IL1RAPL2: variants seen among roughly 807,000 people sequenced by gnomAD.
IL1RAPL2 encodes the protein X-linked interleukin-1 receptor accessory protein-like 2.
In IL1RAPL2, 3 loss-of-function variants were observed where a neutral mutation model predicts 44.1. The ratio of observed to expected loss-of-function variants is 0.07; its 90% CI spans 0.03 to 0.18. IL1RAPL2 has a LOEUF of 0.18. IL1RAPL2 is among the 10% of genes least tolerant of loss of function. The pLI, the probability that IL1RAPL2 is intolerant of heterozygous loss-of-function variation, is 1.00. For synonymous variants in IL1RAPL2, 181 were observed against 178.8 expected, an observed-to-expected ratio of 1.01 and a Z score of -0.10; for missense variants, 391 against 496.4, an observed-to-expected ratio of 0.79 and a Z score of 2.02.
chrX:105,286,251 G>A lies in IL1RAPL2; in HGVS notation c.697+18710G>A, dbSNP rs188883340. Among the ~76,000 whole-genome samples, 3 of 110,553 alleles carry A rather than the reference G, an allele frequency of 2.7e-5. No individual in the cohort carries two copies. In the East Asian group the frequency reaches 8.7e-4, roughly 32 times the overall value. On this transcript the variant is annotated intron_variant, in intron 5 of 10. Coordinates refer to ENST00000372582, the MANE Select transcript of IL1RAPL2 (RefSeq NM_017416.2). ...ATTCTTTTCTTACCATTTACCCCCT[G>A]GATGACCTTGGGGAGATTATTGAAC...
intron 2 of IL1RAPL2, among the ~76,000 whole-genome samples, chrX:105,085,273 A>G (rs755368330): frequency 2.7e-5 from 3 of 112,480 alleles, no homozygotes; most frequent in African/African-American, 9.7e-5. Flanking sequence ...TAAGCCATAC[A>G]TCTGATAAGG....
At chrX:105,139,042 C>A (rs1002986139) in intron 2 of IL1RAPL2, among the ~76,000 whole-genome samples, 2 of 111,242 alleles carry the variant, frequency 1.8e-5, no homozygotes, top group Non-Finnish European at 3.8e-5. Context: ...AAAACTTTGC[C>A]TTGGGGTGCT....
chrX:104,935,355 T>A (rs1925001844), intron 2 of IL1RAPL2, among the ~76,000 whole-genome samples: 2 of 112,344 alleles, frequency 1.8e-5, no homozygotes, highest in Admixed American at 1.9e-4. Flanking sequence ...GTGTGACTTT[T>A]GACATTTTTT....
chrX:105,225,662 T>C (rs2034006727), intron 3 of IL1RAPL2, among the ~76,000 whole-genome samples: 1 of 97,391 alleles, frequency 1.0e-5, no homozygotes, highest in African/African-American at 3.4e-5. Context: ...ATAGAAAACA[T>C]ACTTTTATTT....
chrX:104,722,734 T>C (rs971311137), intron 2 of IL1RAPL2, among the ~76,000 whole-genome samples: 1 of 111,360 alleles, frequency 9.0e-6, no homozygotes, highest in Non-Finnish European at 1.9e-5. Context: ...TGTTTTACAG[T>C]AAAAGCCTGC....
chrX:104,998,769 T>G (rs1397731958), intron 2 of IL1RAPL2, among the ~76,000 whole-genome samples: 1 of 110,531 alleles, frequency 9.0e-6, no homozygotes, highest in Non-Finnish European at 1.9e-5. Flanking sequence ...CCCCATCTCT[T>G]AAAAAGGGTT....
intron 6 of IL1RAPL2, among the ~76,000 whole-genome samples, chrX:105,638,794 T>G (rs2037543554): frequency 8.9e-6 from 1 of 112,502 alleles, no homozygotes; most frequent in Non-Finnish European, 1.9e-5. Flanking sequence ...AGGGTAGATG[T>G]TATTCTGAAA....
intron 7 of IL1RAPL2, among the ~76,000 whole-genome samples, chrX:105,729,904 GGAAGGAAGGAA>G (rs1569469742): frequency 0.042 from 3,416 of 81,398 alleles, 301 homozygotes; most frequent in African/African-American, 0.17. Flanking sequence ...AAGGAAGGAA[GGAAGGAAGGAA>G]GGAAGGAGGG....
At chrX:105,301,884 T>G (rs769585351) in intron 5 of IL1RAPL2, among the ~76,000 whole-genome samples, 10 of 112,052 alleles carry the variant, frequency 8.9e-5, no homozygotes, top group Non-Finnish European at 1.7e-4. Flanking sequence ...TTTTGGGTAG[T>G]GGGATTGCTG....
rs376988808 is a variant in IL1RAPL2, at chrX:104,675,617, A to G, written c.82+16622A>G. Among the ~76,000 whole-genome samples, 505 of 110,566 alleles carry G rather than the reference A, an allele frequency of 4.6e-3. 1 individual carries two copies. Among genetic ancestry groups the G allele is most frequent in the African/African-American group, 0.016 (471 of 30,180 alleles). On this transcript the variant is annotated intron_variant, in intron 2 of 10. Coordinates refer to ENST00000372582, the MANE Select transcript of IL1RAPL2 (RefSeq NM_017416.2). ...AGTTCTGTAGATGTCTATTAGGTCCACTTGGTGCAGAGCTGAGTTCAATTC... is the reference window on the plus strand; with the variant it reads ...AGTTCTGTAGATGTCTATTAGGTCCGCTTGGTGCAGAGCTGAGTTCAATTC...
chrX:105,748,942 T>G lies in IL1RAPL2; in HGVS notation c.1049-18T>G. 1 of 1,204,290 alleles carries G rather than the reference T, an allele frequency of 8.3e-7. No homozygotes were observed. Among genetic ancestry groups the G allele is most frequent in the Non-Finnish European group, 1.1e-6 (1 of 890,431 alleles). On this transcript the variant is annotated intron_variant, in intron 8 of 10. Transcript: ENST00000372582. ...TGCTGATTTAATTACCTTTTCCTGTTTATTCTGTTCGCTCCAGATTTAATC... is the reference window on the plus strand; with the variant it reads ...TGCTGATTTAATTACCTTTTCCTGTGTATTCTGTTCGCTCCAGATTTAATC...
chrX:105,040,090 AG>A (rs1339192098), intron 2 of IL1RAPL2, among the ~76,000 whole-genome samples: 2 of 111,154 alleles, frequency 1.8e-5, no homozygotes, highest in South Asian at 3.8e-4. Context: ...TTTAGCATGA[AG>A]GGTTGTTGAA....
At chrX:104,618,362 C>T (rs756196983) in intron 1 of IL1RAPL2, among the ~76,000 whole-genome samples, 52 of 112,302 alleles carry the variant, frequency 4.6e-4, no homozygotes, top group Non-Finnish European at 7.5e-5. Flanking sequence ...GGGGCCAGAC[C>T]AGGCAGGTCC....
intron 5 of IL1RAPL2, among the ~76,000 whole-genome samples, chrX:105,437,840 C>T (rs1825992737): frequency 9.0e-6 from 1 of 111,223 alleles, no homozygotes; most frequent in African/African-American, 3.3e-5. Context: ...CAGCCATTAA[C>T]CTTTAATTTT....
chrX:105,397,328 T>C (rs939972107), intron 5 of IL1RAPL2, among the ~76,000 whole-genome samples: 6 of 111,349 alleles, frequency 5.4e-5, no homozygotes, highest in Non-Finnish European at 1.1e-4. Flanking sequence ...AACCAGTTCC[T>C]TGTGCCAAAA....
intron 5 of IL1RAPL2, among the ~76,000 whole-genome samples, chrX:105,291,512 T>G (rs754959736): frequency 3.6e-5 from 4 of 112,091 alleles, no homozygotes; most frequent in African/African-American, 9.7e-5. Context: ...TTAAGAATTA[T>G]TGATGAAGTC....
intron 2 of IL1RAPL2, among the ~76,000 whole-genome samples, chrX:104,947,494 G>A (rs1415386021): frequency 1.9e-5 from 2 of 102,619 alleles, no homozygotes; most frequent in Admixed American, 1.1e-4. Flanking sequence ...CCTTGCCCAC[G>A]CCTATGTCCT....
chrX:105,562,290 T>C (rs2147807349), intron 6 of IL1RAPL2, among the ~76,000 whole-genome samples: 1 of 111,676 alleles, frequency 9.0e-6, no homozygotes, highest in South Asian at 3.7e-4. Flanking sequence ...TTAGTTAATA[T>C]AATACATTAC....
intron 1 of IL1RAPL2, among the ~76,000 whole-genome samples, chrX:104,573,620 T>C (rs977542478): frequency 5.3e-5 from 6 of 112,169 alleles, no homozygotes; most frequent in African/African-American, 1.6e-4. Context: ...GGGAGACAAA[T>C]TAGATATTTA....
Sources: allele counts gnomAD v4.1 joint callset (sites outside exome capture counted in the v4.1 genomes callset), GRCh38; gene constraint gnomAD v4.1.1; transcripts MANE v1.5; gene names NCBI Gene and HGNC (gene_info 2026-07-23, HGNC 2026-07-21).